Variants in PCDHA12 observed in about 807,000 individuals in gnomAD.
PCDHA12 encodes protocadherin alpha-12.
A neutral mutation model predicts 60.0 loss-of-function variants in PCDHA12; 44 were observed. The ratio of observed to expected loss-of-function variants is 0.73; its 90% CI spans 0.58 to 0.94. The LOEUF (loss-of-function observed/expected upper bound fraction) is 0.94, where lower values mean the gene tolerates loss of function less well. PCDHA12 is among the 40% of genes least tolerant of loss of function. The pLI is 0.00. For missense variants in PCDHA12, 1,276 were observed against 1,239.7 expected, an observed-to-expected ratio of 1.03 and a Z score of -0.44; for synonymous variants, 569 against 553.0, an observed-to-expected ratio of 1.03 and a Z score of -0.40.
intron 1 of PCDHA12, among the ~76,000 whole-genome samples, chr5:140,901,935 GTA>G (rs200320249): frequency 0.011 from 1,607 of 151,762 alleles, 16 homozygotes; most frequent in African/African-American, 0.028. Context: ...TAATTCCTAG[GTA>G]TATTTAGTTT....
intron 1 of PCDHA12, chr5:140,927,385 C>G: frequency 6.2e-7 from 1 of 1,614,098 alleles, no homozygotes; most frequent in East Asian, 2.2e-5. Flanking sequence ...CAGCCTAAGC[C>G]CCAGTCAGCA....
intron 2 of PCDHA12, among the ~76,000 whole-genome samples, chr5:140,980,982 C>G (rs1208541065): frequency 6.6e-6 from 1 of 151,990 alleles, no homozygotes; most frequent in East Asian, 1.9e-4. Flanking sequence ...ACTGAGCCCA[C>G]ACAATTTGCT....
At chr5:140,882,824 C>G in intron 1 of PCDHA12, 6 of 1,614,206 alleles carry the variant, frequency 3.7e-6, no homozygotes, top group Non-Finnish European at 5.1e-6. Flanking sequence ...ACAAAACAGT[C>G]TTGAGCAAAT....
chr5:140,963,526 T>G (rs1359195018), intron 1 of PCDHA12, among the ~76,000 whole-genome samples: 3 of 152,204 alleles, frequency 2.0e-5, no homozygotes, highest in Non-Finnish European at 4.4e-5. Flanking sequence ...ATAACAGAAG[T>G]CCCATTTACT....
rs190183922 is a variant in PCDHA12, at chr5:140,912,839, T to C, written c.2367+35000T>C. ...AGGGATTTTGAATTTTATTAAATGC[T>C]TTTTCAGCATCAATTGAAATGATAT... On this transcript the variant is annotated intron_variant, in intron 1 of 3. Coordinates refer to ENST00000398631, the MANE Select transcript of PCDHA12 (RefSeq NM_018903.4). Among the ~76,000 whole-genome samples the C allele has an allele frequency of 6.6e-5, 10 of 152,356 alleles. No individual in the cohort carries two copies. In the East Asian group the frequency reaches 1.9e-3, roughly 29 times the overall value.
At chr5:140,962,431 A>G (rs782205198) in intron 1 of PCDHA12, among the ~76,000 whole-genome samples, 2 of 152,126 alleles carry the variant, frequency 1.3e-5, no homozygotes, top group Non-Finnish European at 2.9e-5. Flanking sequence ...ATTGTTACTT[A>G]TCCAAAGATG....
chr5:140,896,748 A>T (rs1554187100), intron 1 of PCDHA12, among the ~76,000 whole-genome samples: 1 of 151,856 alleles, frequency 6.6e-6, no homozygotes, highest in African/African-American at 2.4e-5. Context: ...TAGATTCTGG[A>T]TATTAGACCT....
chr5:140,911,915 G>A (rs553932242), intron 1 of PCDHA12, among the ~76,000 whole-genome samples: 3 of 152,226 alleles, frequency 2.0e-5, no homozygotes, highest in African/African-American at 7.2e-5. Flanking sequence ...CTCTCTAGAG[G>A]ACAGAACTAA....
rs543069895 is a variant in PCDHA12, at chr5:140,958,338, G to A, written c.2368-20611G>A. 2.0e-4 allele frequency among the ~76,000 whole-genome samples: 30 copies of A among 152,108 alleles called. No homozygotes were observed. In the South Asian group the frequency reaches 6.0e-3, roughly 31 times the overall value. ...GAGCTCAAAAAATAAATAAATCACA[G>A]GAAGTTCACAGTCTGACTTTATCAG... On this transcript the variant is annotated intron_variant, in intron 1 of 3. Transcript: ENST00000398631.
Position 141,006,215 on chromosome 5 carries a change from T to A in PCDHA12, c.2516-3412T>A, listed in dbSNP as rs530559800. Among the ~76,000 whole-genome samples, 194 of 151,754 alleles carry A rather than the reference T, an allele frequency of 1.3e-3. 2 individuals carry two copies. The highest frequency in any genetic ancestry group is 4.2e-3 in the African/African-American group (174 of 41,396). ...ATGTATGTTATGCCTCATTTTTTTT[T>A]AAATTTTTTATTTTTAGATGGAGTC... On this transcript the variant is annotated intron_variant, in intron 3 of 3. Coordinates refer to ENST00000398631, the MANE Select transcript of PCDHA12 (RefSeq NM_018903.4).
chr5:140,902,419 T>C (rs2069442508), intron 1 of PCDHA12, among the ~76,000 whole-genome samples: 1 of 152,118 alleles, frequency 6.6e-6, no homozygotes, highest in Non-Finnish European at 1.5e-5. Flanking sequence ...ATAACAGTGG[T>C]GAAAGTGGGC....
intron 1 of PCDHA12, among the ~76,000 whole-genome samples, chr5:140,970,479 G>A (rs782054417): frequency 1.3e-4 from 20 of 152,160 alleles, no homozygotes; most frequent in Admixed American, 8.5e-4. Context: ...AGGCCAGCTT[G>A]TTCATTATTA....
chr5:140,924,527 G>T (rs2081885403), intron 1 of PCDHA12, among the ~76,000 whole-genome samples: 1 of 152,074 alleles, frequency 6.6e-6, no homozygotes. Context: ...AAAAGAGAAT[G>T]CCCGAGCTAC....
At position 140,942,589 on chromosome 5, in the gene PCDHA12, T is replaced by A. The variant is rs1444015331; in HGVS notation, c.2368-36360T>A. On this transcript the variant is annotated intron_variant, in intron 1 of 3. Coordinates refer to ENST00000398631, the MANE Select transcript of PCDHA12 (RefSeq NM_018903.4). ...AAATCTTCCCATATAGGATGTCACA[T>A]ATAATTATAGTGTTTATATTTGCCA... Among the ~76,000 whole-genome samples, 4 of 148,934 alleles carry A rather than the reference T, an allele frequency of 2.7e-5. No homozygotes were observed. In the Admixed American group the frequency reaches 2.7e-4, roughly 10 times the overall value.
At position 141,010,305 on chromosome 5, in the gene PCDHA12, G is replaced by GT; in HGVS notation, c.*372dup. 1 of 1,548,478 alleles carries GT rather than the reference G, an allele frequency of 6.5e-7. No homozygotes were observed. Among genetic ancestry groups the GT allele is most frequent in the Non-Finnish European group, 8.7e-7 (1 of 1,146,036 alleles). On this transcript the variant is annotated 3_prime_UTR_variant, in exon 4 of 4. Transcript: ENST00000398631. ...TGACACTTGCAGGGCAGGCTGAAAAGTTTTGAGATTGAGCAGCTTGGGAGT... is the reference window on the plus strand; with the variant it reads ...TGACACTTGCAGGGCAGGCTGAAAAGTTTTTGAGATTGAGCAGCTTGGGAGT...
chr5:140,899,384 A>G (rs2067296665), intron 1 of PCDHA12, among the ~76,000 whole-genome samples: 2 of 152,124 alleles, frequency 1.3e-5, no homozygotes, highest in Admixed American at 1.3e-4. Context: ...TAATTTATTG[A>G]GAGTTTTTAG....
At chr5:140,887,524 G>A (rs2061480235) in intron 1 of PCDHA12, among the ~76,000 whole-genome samples, 2 of 152,090 alleles carry the variant, frequency 1.3e-5, no homozygotes, top group African/African-American at 4.8e-5. Flanking sequence ...TTATATATGA[G>A]TCTTCCTCTC....
intron 3 of PCDHA12, among the ~76,000 whole-genome samples, chr5:140,989,611 A>G (rs2097350612): frequency 6.6e-6 from 1 of 152,232 alleles, no homozygotes. Flanking sequence ...ACTAAAAATG[A>G]AAGTCTGTCC....
chr5:140,891,767 A>C (rs1350557618), intron 1 of PCDHA12, among the ~76,000 whole-genome samples: 2 of 152,156 alleles, frequency 1.3e-5, no homozygotes, highest in African/African-American at 2.4e-5. Context: ...GAGGTGGGGA[A>C]TTTCAGGAAA....
Sources: allele counts gnomAD v4.1 joint callset (sites outside exome capture counted in the v4.1 genomes callset), GRCh38; gene constraint gnomAD v4.1.1; transcripts MANE v1.5; gene names NCBI Gene and HGNC (gene_info 2026-07-23, HGNC 2026-07-21).